Variants in CAMK2B observed in about 807,000 individuals in gnomAD.
The protein encoded by CAMK2B is calcium/calmodulin dependent protein kinase II beta.
In CAMK2B, 27 loss-of-function variants were observed where a neutral mutation model predicts 93.7. The ratio of observed to expected loss-of-function variants is 0.29; its 90% confidence interval spans 0.21 to 0.40. The LOEUF is 0.40. CAMK2B is among the 10% of genes least tolerant of loss of function. The pLI is 1.00. For synonymous variants in CAMK2B, 374 were observed against 358.8 expected (o/e 1.04, Z -0.48); for missense variants, 568 against 895.8 (o/e 0.63, Z 4.67).
At chr7:44,280,671 G>T (rs1365899260) in intron 2 of CAMK2B, among the ~76,000 whole-genome samples, 1 of 152,200 alleles carries the variant, frequency 6.6e-6, no homozygotes, top group Admixed American at 6.5e-5. Context: ...TGAGTGTGGG[G>T]TCTCAGTGGC....
intron 1 of CAMK2B, among the ~76,000 whole-genome samples, chr7:44,307,732 G>A (rs1792301476): frequency 1.3e-5 from 2 of 152,146 alleles, no homozygotes; most frequent in African/African-American, 2.4e-5. Context: ...CACCTGGAAG[G>A]AGCCTGTGGG....
chr7:44,256,067 A>G (rs982161606), intron 4 of CAMK2B, among the ~76,000 whole-genome samples: 6 of 151,924 alleles, frequency 3.9e-5, no homozygotes, highest in African/African-American at 1.2e-4. Flanking sequence ...TGTGTCCCCG[A>G]CCAGCACCTG....
Position 44,311,855 on chromosome 7 carries a change from C to T in CAMK2B, c.65+13502G>A, listed in dbSNP as rs1265744430. Among the ~76,000 whole-genome samples the T allele has an allele frequency of 1.3e-5, 2 of 152,054 alleles. No individual in the cohort carries two copies. The highest frequency in any genetic ancestry group is 2.4e-5 in the African/African-American group (1 of 41,388). ...CACTCTGGGCAGGGAAGGGTGACTGCGTGGCTGGCTCCCTGCACCGTGGAC... is the reference window on the plus strand; with the variant it reads ...CACTCTGGGCAGGGAAGGGTGACTGTGTGGCTGGCTCCCTGCACCGTGGAC... On this transcript the variant is annotated intron_variant, in intron 1 of 23. Transcript: ENST00000395749. This position sits in a 1 kb window ranked among gnomAD's most constrained non-coding sequence, Gnocchi z 4.2.
At chr7:44,234,361 T>G in intron 15 of CAMK2B, 29 bp downstream of exon 15, 2 of 1,486,748 alleles carry the variant, frequency 1.3e-6, no homozygotes, top group African/African-American at 1.4e-5. Flanking sequence ...TAGGAGGGGC[T>G]GAGAGGCAGA....
intron 1 of CAMK2B, among the ~76,000 whole-genome samples, chr7:44,314,095 T>C (rs1414505924): frequency 6.6e-6 from 1 of 152,118 alleles, no homozygotes. Context: ...ATTTTCTGAG[T>C]AGGTTTTATT....
intron 19 of CAMK2B, among the ~76,000 whole-genome samples, chr7:44,228,256 C>T (rs994635578): frequency 1.2e-4 from 18 of 152,028 alleles, no homozygotes; most frequent in Admixed American, 6.5e-4. Flanking sequence ...TATGATTCTC[C>T]GTACTATCCC....
chr7:44,269,525 C>T (rs968503896), intron 2 of CAMK2B, among the ~76,000 whole-genome samples: 1 of 152,200 alleles, frequency 6.6e-6, no homozygotes, highest in African/African-American at 2.4e-5. Context: ...CCCTCCTCCT[C>T]CCTGGCAGTG....
Position 44,224,602 on chromosome 7 carries a change from G to A in CAMK2B, c.1597+1914C>T, listed in dbSNP as rs891697548. 4.6e-5 allele frequency among the ~76,000 whole-genome samples: 7 copies of A among 152,252 alleles called. No individual in the cohort carries two copies. The highest frequency in any genetic ancestry group is 2.0e-4 in the Admixed American group (3 of 15,296). ...CAACAGGTCCAGGCAGGCCTAATGC[G>A]TCCAGGTGGGGTCAGAGCAGGTTCT... On this transcript the variant is annotated intron_variant, in intron 20 of 23. Coordinates refer to ENST00000395749, the MANE Select transcript of CAMK2B (RefSeq NM_001220.5). The surrounding 1 kb of genome is among the most constrained non-coding windows in gnomAD (Gnocchi z 4.4).
chr7:44,290,337 T>TA (rs1405836674), intron 1 of CAMK2B, among the ~76,000 whole-genome samples: 6 of 152,330 alleles, frequency 3.9e-5, no homozygotes, highest in African/African-American at 1.4e-4. Context: ...GTCTCCCTAG[T>TA]AGCAAGCACA....
At chr7:44,264,230 C>T (rs2096904453) in intron 2 of CAMK2B, among the ~76,000 whole-genome samples, 1 of 152,198 alleles carries the variant, frequency 6.6e-6, no homozygotes, top group African/African-American at 2.4e-5. Flanking sequence ...GCTGCAACTT[C>T]ACAATCATCC....
chr7:44,310,053 C>T (rs1440839848), intron 1 of CAMK2B, among the ~76,000 whole-genome samples: 1 of 152,246 alleles, frequency 6.6e-6, no homozygotes, highest in Admixed American at 6.5e-5. Context: ...CGCGCGGAAC[C>T]GCACGGTGGC....
chr7:44,240,124 C>A (rs2096663066), intron 12 of CAMK2B, among the ~76,000 whole-genome samples: 1 of 143,952 alleles, frequency 6.9e-6, no homozygotes, highest in South Asian at 2.3e-4. Flanking sequence ...CAGACCTGGG[C>A]TGCCGGCTCC....
Position 44,225,839 on chromosome 7 carries a change from C to T in CAMK2B, c.1597+677G>A, listed in dbSNP as rs1268041351. The T allele has an allele frequency of 3.1e-6, 4 of 1,289,216 alleles. No homozygotes were observed. In the African/African-American group the frequency reaches 6.1e-5, roughly 20 times the overall value. The allele number at this position is 1,289,216 out of a possible 1,614,324, so 79.9% of individuals were successfully genotyped here. A position where few individuals can be genotyped will look rare whatever the true frequency, so the allele number is the denominator to read the frequency against. ...AGAGTATCTCCACACCACCCCCAGT[C>T]TGGTGTCTCCCCACAGGTGGGGGTG... On this transcript the variant is annotated intron_variant, in intron 20 of 23. Coordinates refer to ENST00000395749, the MANE Select transcript of CAMK2B (RefSeq NM_001220.5). The surrounding 1 kb of genome is among the most constrained non-coding windows in gnomAD (Gnocchi z 5.0).
intron 20 of CAMK2B, among the ~76,000 whole-genome samples, chr7:44,226,168 C>T (rs367678588): frequency 3.3e-5 from 5 of 152,214 alleles, no homozygotes; most frequent in Admixed American, 6.5e-5. Flanking sequence ...CAGCTCCTGG[C>T]GTGCTAGCCC....
intron 1 of CAMK2B, among the ~76,000 whole-genome samples, chr7:44,285,338 G>A (rs1784757325): frequency 6.6e-6 from 1 of 152,238 alleles, no homozygotes; most frequent in Admixed American, 6.5e-5. Context: ...GCTGGGGCTG[G>A]GAGAAAGGGG....
chr7:44,284,108 G>A (rs372913554), intron 2 of CAMK2B, 23 bp downstream of exon 2: 17 of 1,567,608 alleles, frequency 1.1e-5, no homozygotes, highest in East Asian at 4.5e-5. Context: ...CAGCAGCTGC[G>A]CAGGACACTC....
chr7:44,279,758 C>T (rs539157959), intron 2 of CAMK2B, among the ~76,000 whole-genome samples: 14 of 152,354 alleles, frequency 9.2e-5, no homozygotes, highest in African/African-American at 3.1e-4. Context: ...ATCCTTCTGA[C>T]TCATAGAGCA....
At chr7:44,255,855 G>T (rs1283142469) in intron 4 of CAMK2B, among the ~76,000 whole-genome samples, 10 of 152,200 alleles carry the variant, frequency 6.6e-5, no homozygotes, top group Admixed American at 1.3e-4. Flanking sequence ...CCAGCTAAAC[G>T]CATGCCCTGA....
rs764687764 is a variant in CAMK2B, at chr7:44,220,212, G to A, written c.1851C>T (p.Ile617=). The change falls in exon 23 of 24, where the codon ATC becomes ATT. Residue 617 remains isoleucine, a synonymous_variant. Coordinates refer to ENST00000395749, the MANE Select transcript of CAMK2B (RefSeq NM_001220.5). ...VHVIGEDAAC[I]AYIRLTQYID... ...TGTACTGCGTGAGCCGGATGTAAGC[G>A]ATGCAGGCGGCATCCTCTCCAATGA... 1.7e-5 allele frequency: 28 copies of A among 1,613,250 alleles called. No homozygotes were observed. The highest frequency in any genetic ancestry group is 1.6e-4 in the South Asian group (15 of 91,090).
Sources: allele counts gnomAD v4.1 joint callset (sites outside exome capture counted in the v4.1 genomes callset), GRCh38; gene constraint gnomAD v4.1.1; non-coding constraint Gnocchi (gnomAD v3.1); transcripts MANE v1.5; gene names NCBI Gene and HGNC (gene_info 2026-07-23, HGNC 2026-07-21).